The following BIK variants were observed in gnomAD, a reference collection of about 807,000 sequenced individuals.
BIK encodes BCL2 interacting killer, also known as bcl-2-interacting killer.
BIK carries 14 observed loss-of-function variants against 12.1 expected under a neutral mutation model. The observed-to-expected ratio is 1.16, with a 90% CI of 0.77 to 1.81. BIK has a LOEUF of 1.81. Among genes scored for constraint, BIK ranks in the 40% most tolerant of loss-of-function variants. BIK has a pLI of 0.00. For synonymous variants in BIK, 86 were observed against 92.3 expected, an observed-to-expected ratio of 0.93 and a Z score of 0.39; for missense variants, 215 against 207.9, an observed-to-expected ratio of 1.03 and a Z score of -0.21.
chr22:43,123,468 G>C (rs1930254248), intron 1 of BIK, among the ~76,000 whole-genome samples: 2 of 152,132 alleles, frequency 1.3e-5, no homozygotes, highest in African/African-American at 2.4e-5. Flanking sequence ...GAAGAAAAAG[G>C]CTGGGCGTGG....
chr22:43,124,210 C>A, intron 2 of BIK, 27 bp downstream of exon 2: 4 of 1,611,028 alleles, frequency 2.5e-6, no homozygotes, highest in South Asian at 1.1e-5. Flanking sequence ...TGCCCTACCC[C>A]CTGCCTGATA....
At chr22:43,119,420 G>GCC (rs1387766847) in intron 1 of BIK, among the ~76,000 whole-genome samples, 2 of 152,154 alleles carry the variant, frequency 1.3e-5, no homozygotes, top group Non-Finnish European at 2.9e-5. Flanking sequence ...TCTGCTCTAT[G>GCC]CCAGGCCTTG....
chr22:43,129,365 C>G lies in BIK; in HGVS notation c.*60C>G. On this transcript the variant is annotated 3_prime_UTR_variant, in exon 5 of 5. Coordinates refer to ENST00000216115, the MANE Select transcript of BIK (RefSeq NM_001197.5). Reference sequence around the variant, plus strand: ...CCCATGACCACTGCCCTGGAGGTGGCGGCCTGCTGCTGTTATCTTTTTAAC... The same window carrying G: ...CCCATGACCACTGCCCTGGAGGTGGGGGCCTGCTGCTGTTATCTTTTTAAC... 6.5e-7 allele frequency: 1 copy of G among 1,544,550 alleles called. No individual in the cohort carries two copies. The highest frequency in any genetic ancestry group is 8.6e-7 in the Non-Finnish European group (1 of 1,156,554).
chr22:43,116,452 T>C (rs940346481), intron 1 of BIK, among the ~76,000 whole-genome samples: 28 of 148,672 alleles, frequency 1.9e-4, no homozygotes, highest in Admixed American at 2.7e-4. Context: ...GTAGGTTACA[T>C]GTATTAAATG....
At chr22:43,126,324 T>C (rs1930315462) in intron 2 of BIK, among the ~76,000 whole-genome samples, 1 of 152,150 alleles carries the variant, frequency 6.6e-6, no homozygotes, top group Non-Finnish European at 1.5e-5. Context: ...TAGCTGGGAC[T>C]ACAGGCGCCT....
chr22:43,117,673 AT>A (rs547983018), intron 1 of BIK, among the ~76,000 whole-genome samples: 127 of 129,482 alleles, frequency 9.8e-4, no homozygotes, highest in Admixed American at 1.1e-3. Flanking sequence ...CCCGGCCCAT[AT>A]TTTTTTTTTT....
intron 1 of BIK, among the ~76,000 whole-genome samples, 175 bp downstream of exon 1, chr22:43,110,978 C>T (rs953659622): frequency 2.0e-5 from 3 of 152,180 alleles, no homozygotes; most frequent in Admixed American, 6.5e-5. Flanking sequence ...GGCTCCGAAA[C>T]GTACCCTCTC....
At chr22:43,114,060 GC>G (rs981107010) in intron 1 of BIK, among the ~76,000 whole-genome samples, 2 of 152,316 alleles carry the variant, frequency 1.3e-5, no homozygotes, top group Admixed American at 6.5e-5. Flanking sequence ...TGGCCCCGAG[GC>G]AGGCAGGAGA....
Position 43,129,267 on chromosome 22 carries a change from C to G in BIK, c.445C>G (p.Pro149Ala), listed in dbSNP as rs760336241. The G allele has an allele frequency of 3.1e-5, 49 of 1,599,512 alleles. 1 individual carries two copies. The highest frequency in any genetic ancestry group is 4.5e-5 in the East Asian group (2 of 44,834). ...ALLLLLALLL[P>A]LLSGGLHLLL... ...GCTGCTGCTGCTGGCGCTGCTGCTG[C>G]CGCTGCTCAGCGGGGGCCTGCACCT... Residue 149 changes from proline (P) to alanine (A), a missense_variant, in exon 5 of 5, where the codon CCG becomes GCG. By Grantham distance (27) the Pro-to-Ala change is conservative (BLOSUM62 -1). Transcript: ENST00000216115.
rs781737051 is a variant in BIK, at chr22:43,124,173, A to C, written c.151A>C (p.Met51Leu). The C allele has an allele frequency of 1.2e-6, 2 of 1,614,022 alleles. No homozygotes were observed. The highest frequency in any genetic ancestry group is 1.7e-6 in the Non-Finnish European group (2 of 1,179,970). ...GGAGGACTTCGATTCTTTGGAATGC[A>C]TGGAGGGCAGGTAGGTCCCCATGGC... ...PMEDFDSLEC[M>L]EGSDALALRL... The change falls in exon 2 of 5, where the codon ATG (methionine) becomes CTG (leucine). Residue 51 changes from methionine to leucine, a missense_variant. By Grantham distance (15) the Met-to-Leu change is conservative. Transcript: ENST00000216115.
intron 4 of BIK, 44 bp downstream of exon 4, chr22:43,128,669 G>A (rs1215679036): frequency 6.4e-7 from 1 of 1,567,872 alleles, no homozygotes; most frequent in Non-Finnish European, 8.6e-7. Context: ...GCTGCGGCCA[G>A]TGGGGGCTGT....
At chr22:43,119,330 C>T (rs1289084320) in intron 1 of BIK, among the ~76,000 whole-genome samples, 1 of 152,074 alleles carries the variant, frequency 6.6e-6, no homozygotes, top group Non-Finnish European at 1.5e-5. Context: ...GTCCAGTTTC[C>T]TGTATCTGCA....
At chr22:43,120,161 G>A (rs901273066) in intron 1 of BIK, among the ~76,000 whole-genome samples, 1 of 152,134 alleles carries the variant, frequency 6.6e-6, no homozygotes, top group Non-Finnish European at 1.5e-5. Flanking sequence ...AGGGCCACAG[G>A]GGGAGGGCCT....
chr22:43,128,913 C>T (rs1930378456), intron 4 of BIK, among the ~76,000 whole-genome samples: 1 of 152,228 alleles, frequency 6.6e-6, no homozygotes, highest in Non-Finnish European at 1.5e-5. Flanking sequence ...TCCTGGTAGC[C>T]TGGTCCCATG....
At chr22:43,115,581 G>C (rs1203303918) in intron 1 of BIK, among the ~76,000 whole-genome samples, 1 of 151,936 alleles carries the variant, frequency 6.6e-6, no homozygotes, top group Non-Finnish European at 1.5e-5. Flanking sequence ...TCCTTCCTCA[G>C]CCTCCCTAGT....
intron 1 of BIK, among the ~76,000 whole-genome samples, chr22:43,115,334 T>TG (rs147061968): frequency 0.017 from 2,523 of 152,106 alleles, 85 homozygotes; most frequent in African/African-American, 0.058. Flanking sequence ...GTGAAAGGGC[T>TG]GGGTGCAAGT....
intron 1 of BIK, among the ~76,000 whole-genome samples, chr22:43,117,396 T>C: frequency 6.6e-6 from 1 of 150,512 alleles, no homozygotes; most frequent in East Asian, 1.9e-4. Flanking sequence ...TTTGAGACAG[T>C]CTCACTCTGT....
intron 1 of BIK, among the ~76,000 whole-genome samples, chr22:43,115,195 A>T (rs1930087425): frequency 6.6e-6 from 1 of 152,150 alleles, no homozygotes. Context: ...GATGAGGAGC[A>T]TTTAATTCTG....
intron 1 of BIK, among the ~76,000 whole-genome samples, chr22:43,115,532 G>A (rs1427788973): frequency 2.0e-5 from 3 of 151,886 alleles, no homozygotes; most frequent in African/African-American, 7.3e-5. Flanking sequence ...GCGCGATCTC[G>A]GCTCACTGCA....
Sources: allele counts gnomAD v4.1 joint callset (sites outside exome capture counted in the v4.1 genomes callset), GRCh38; gene constraint gnomAD v4.1.1; transcripts MANE v1.5; gene names NCBI Gene and HGNC (gene_info 2026-07-23, HGNC 2026-07-21).